The following MAGI2 variants were observed in gnomAD, a reference collection of about 807,000 sequenced individuals.
MAGI2 encodes membrane associated guanylate kinase, WW and PDZ domain containing 2, also known as membrane-associated guanylate kinase, WW and PDZ domain-containing protein 2.
Under a neutral mutation model 133.3 loss-of-function variants are expected in MAGI2, and 35 were observed. The observed-to-expected ratio is 0.26, with a 90% CI of 0.20 to 0.35. MAGI2 has a LOEUF of 0.35. Ranked by LOEUF, MAGI2 falls within the 10% of genes least tolerant of loss-of-function variation. The pLI, the probability that MAGI2 is intolerant of heterozygous loss-of-function variation, is 1.00. For synonymous variants in MAGI2, 729 were observed against 710.6 expected, an observed-to-expected ratio of 1.03 and a Z score of -0.41; for missense variants, 1,636 against 1,863.4, an observed-to-expected ratio of 0.88 and a Z score of 2.25.
Position 78,019,355 on chromosome 7 carries a change from G to C in MAGI2, c.4328C>G (p.Pro1443Arg). The C allele has an allele frequency of 2.0e-6, 3 of 1,503,024 alleles. No individual in the cohort carries two copies. The highest frequency in any genetic ancestry group is 2.6e-6 in the Non-Finnish European group (3 of 1,134,842). The allele number at this position is 1,503,024 out of a possible 1,614,324, so 93.1% of individuals were successfully genotyped here. A position where few individuals can be genotyped will look rare whatever the true frequency, so the allele number is the denominator to read the frequency against. ...PWKVPGSDKLPSVLKPGASAA... is the reference protein window; with the variant it reads ...PWKVPGSDKLRSVLKPGASAA... ...CGAGGCGCCGGGTTTGAGGACGCTGGGCAGCTTGTCAGAACCCGGCACCTT... is the reference window on the plus strand; with the variant it reads ...CGAGGCGCCGGGTTTGAGGACGCTGCGCAGCTTGTCAGAACCCGGCACCTT... Residue 1443 changes from proline (P) to arginine (R), a missense_variant, in exon 22 of 22, where the codon CCC (proline) becomes CGC (arginine). Around this residue, in one of 5 missense-constraint regions of MAGI2, gnomAD observed 354 missense variants for 298.7 expected, o/e 1.19. Transcript: ENST00000354212.
chr7:78,880,181 C>A (rs1795738812), intron 2 of MAGI2, among the ~76,000 whole-genome samples: 1 of 152,146 alleles, frequency 6.6e-6, no homozygotes, highest in South Asian at 2.1e-4. Context: ...TGTTCCTAGT[C>A]TTCCTAGAGA....
intron 1 of MAGI2, among the ~76,000 whole-genome samples, chr7:79,129,613 G>T (rs1820730930): frequency 1.3e-5 from 2 of 152,120 alleles, no homozygotes; most frequent in African/African-American, 4.8e-5. Context: ...GTGACAGAAG[G>T]CAATTATAAT....
At chr7:78,083,390 GAGAGAGAGAGAGAGA>G (rs1563098847) in intron 20 of MAGI2, among the ~76,000 whole-genome samples, 301 of 17,202 alleles carry the variant, frequency 0.017, 1 homozygote, top group Non-Finnish European at 0.032. Flanking sequence ...GAGGGGGGGA[GAGAGAGAGAGAGAGA>G]GAGAGAGAGA....
chr7:78,377,062 T>A (rs1034794494), intron 6 of MAGI2, among the ~76,000 whole-genome samples: 2 of 152,134 alleles, frequency 1.3e-5, no homozygotes, highest in African/African-American at 4.8e-5. Flanking sequence ...ATCATCATTA[T>A]CCATTTGAAA....
chr7:78,468,486 T>C (rs1249398439), intron 6 of MAGI2, among the ~76,000 whole-genome samples: 2 of 152,198 alleles, frequency 1.3e-5, no homozygotes, highest in African/African-American at 2.4e-5. Context: ...TAAAGTCTTA[T>C]GGCTGTCATT....
intron 9 of MAGI2, among the ~76,000 whole-genome samples, chr7:78,294,384 AT>A (rs1290378950): frequency 6.6e-6 from 1 of 152,112 alleles, no homozygotes; most frequent in Non-Finnish European, 1.5e-5. Flanking sequence ...TAGTTGCATT[AT>A]TTAGTGTAGT....
chr7:78,853,286 C>T lies in MAGI2; in HGVS notation c.418+153804G>A, dbSNP rs147048512. 7.2e-3 allele frequency among the ~76,000 whole-genome samples: 1,064 copies of T among 146,946 alleles called. 11 individuals are homozygous for T. Among genetic ancestry groups the T allele is most frequent in the African/African-American group, 0.026 (1,021 of 39,882 alleles). The stretch of plus-strand genomic sequence containing the variant: ...AACCTAATATCAGCCTCCCATTAAC[C>T]CACCGTGTCTAAGAATAACGCTCAT... On this transcript the variant is annotated intron_variant, in intron 2 of 21. Coordinates refer to ENST00000354212, the MANE Select transcript of MAGI2 (RefSeq NM_012301.4).
At chr7:79,212,557 G>C (rs571685363) in intron 1 of MAGI2, among the ~76,000 whole-genome samples, 1 of 152,104 alleles carries the variant, frequency 6.6e-6, no homozygotes, top group African/African-American at 2.4e-5. Context: ...AAAAAAGAAA[G>C]CAATAACTTC....
rs1003121250 is a variant in MAGI2, at chr7:78,348,263, C to T, written c.1104-2220G>A. On this transcript the variant is annotated intron_variant, in intron 7 of 21. Transcript: ENST00000354212. ...TGGCATCTTGGGCAAATTTCTAACT[C>T]TCTAAGCTTCAATATCTTTATCTGT... 38 of 152,148 alleles carry T rather than the reference C, an allele frequency of 2.5e-4. 1 individual carries two copies. 9.4% of individuals were successfully genotyped at this position (152,148 alleles called of 1,614,324 possible). A position where few individuals can be genotyped will look rare whatever the true frequency, so the allele number is the denominator to read the frequency against.
At chr7:78,346,519 T>C (rs563216794) in intron 7 of MAGI2, among the ~76,000 whole-genome samples, 1 of 152,248 alleles carries the variant, frequency 6.6e-6, no homozygotes, top group East Asian at 1.9e-4. Context: ...TGGTCCTGGA[T>C]TGAGAGACTG....
intron 1 of MAGI2, among the ~76,000 whole-genome samples, chr7:79,418,944 C>A (rs1477242467): frequency 6.6e-6 from 1 of 151,254 alleles, no homozygotes; most frequent in Non-Finnish European, 1.5e-5. Flanking sequence ...TTTGTTTTAA[C>A]TTTTATCTAA....
chr7:78,441,096 T>C (rs534000707), intron 6 of MAGI2, among the ~76,000 whole-genome samples: 1 of 152,348 alleles, frequency 6.6e-6, no homozygotes, highest in African/African-American at 2.4e-5. Context: ...CTTTGTAATT[T>C]TGAATTATAA....
intron 6 of MAGI2, among the ~76,000 whole-genome samples, chr7:78,403,999 CA>C (rs1797143306): frequency 6.6e-6 from 1 of 152,116 alleles, no homozygotes; most frequent in Admixed American, 6.6e-5. Flanking sequence ...GCAAAAATCA[CA>C]AGCATTCCTA....
intron 1 of MAGI2, among the ~76,000 whole-genome samples, chr7:79,015,126 A>G (rs1808554827): frequency 6.6e-6 from 1 of 152,148 alleles, no homozygotes; most frequent in Non-Finnish European, 1.5e-5. Context: ...CAACTGAAAA[A>G]CATTTGACAT....
At chr7:78,130,074 A>G (rs3807716) in intron 18 of MAGI2, among the ~76,000 whole-genome samples, 112,832 of 152,070 alleles carry the variant, frequency 0.74, 42,626 homozygotes, top group African/African-American at 0.88. Context: ...TGCCCTTGCT[A>G]GAGAAGGTGA....
In MAGI2 at chr7:79,066,322, T is replaced by G. The variant is rs1386762149; in HGVS notation, c.302-59116A>C. ...TTTGCATTTCTTTAATGACCAGTGA[T>G]GATGAACATTTTTTCATATGATTGT... On this transcript the variant is annotated intron_variant, in intron 1 of 21. Transcript: ENST00000354212. 4.6e-5 allele frequency among the ~76,000 whole-genome samples: 7 copies of G among 151,856 alleles called. No individual in the cohort carries two copies. The East Asian group carries it at 1.2e-3, about 25-fold the overall frequency.
intron 3 of MAGI2, among the ~76,000 whole-genome samples, chr7:78,620,560 T>C (rs1807619635): frequency 6.6e-6 from 1 of 151,994 alleles, no homozygotes; most frequent in African/African-American, 2.4e-5. Context: ...GTCCTCTTAA[T>C]AAAATTGCTC....
At chr7:78,767,527 G>T (rs188446708) in intron 2 of MAGI2, among the ~76,000 whole-genome samples, 1 of 152,194 alleles carries the variant, frequency 6.6e-6, no homozygotes. Flanking sequence ...TATCATATCT[G>T]CTTATTTAAT....
At chr7:78,068,333 C>T (rs547404783) in intron 21 of MAGI2, among the ~76,000 whole-genome samples, 87 of 152,140 alleles carry the variant, frequency 5.7e-4, no homozygotes, top group Non-Finnish European at 9.6e-4. Flanking sequence ...CTATGTGGCC[C>T]GGTTCCTAAC....
Sources: allele counts gnomAD v4.1 joint callset (sites outside exome capture counted in the v4.1 genomes callset), GRCh38; gene constraint gnomAD v4.1.1; regional missense constraint gnomAD v4.1.1; transcripts MANE v1.5; gene names NCBI Gene and HGNC (gene_info 2026-07-23, HGNC 2026-07-21).